Variants in CRYBG2 observed in about 807,000 individuals in gnomAD.
The protein encoded by CRYBG2 is beta/gamma crystallin domain-containing protein 2.
Under a neutral mutation model 153.4 loss-of-function variants are expected in CRYBG2, and 106 were observed. That is an observed-to-expected ratio of 0.69 (90% CI 0.59 to 0.81). The LOEUF is 0.81. CRYBG2 is among the 30% of genes least tolerant of loss of function. CRYBG2 has a pLI of 0.00. For missense variants in CRYBG2, 1,996 were observed against 2,112.0 expected, an observed-to-expected ratio of 0.95 and a Z score of 1.08; for synonymous variants, 851 against 877.8, an observed-to-expected ratio of 0.97 and a Z score of 0.54.
rs1427515465 is a variant in CRYBG2, at chr1:26,324,293, G to A, written c.4596C>T (p.Arg1532=). The part of the protein sequence containing the change: ...YPIKQRRVYF[R]LWNAALGGFL... ...ATCCCCCCAGTGCTGCATTCCAGAG[G>A]CGGAAATAAACCCGGCGCTGGTGGC... Residue 1532 remains arginine, a synonymous_variant, in exon 18 of 20, where the codon CGC becomes CGT. Coordinates refer to ENST00000308182, the MANE Select transcript of CRYBG2 (RefSeq NM_001039775.4). The A allele has an allele frequency of 8.7e-6, 14 of 1,608,280 alleles. No individual in the cohort carries two copies. Among genetic ancestry groups the A allele is most frequent in the Non-Finnish European group, 1.0e-5 (12 of 1,179,198 alleles).
chr1:26,342,538 T>C (rs1439909256), intron 5 of CRYBG2, among the ~76,000 whole-genome samples: 1 of 152,164 alleles, frequency 6.6e-6, no homozygotes, highest in East Asian at 1.9e-4. Context: ...AAGCTGGGAT[T>C]ACAGGCGCAT....
At chr1:26,324,504 T>A (rs11590274) in intron 17 of CRYBG2, among the ~76,000 whole-genome samples, 194 bp from the exon 18 acceptor site, 28 of 126,582 alleles carry the variant, frequency 2.2e-4, no homozygotes, top group African/African-American at 4.9e-4. Flanking sequence ...TCTCTCTCTC[T>A]CACACACACA....
chr1:26,353,289 A>G (rs182775459), intron 1 of CRYBG2, among the ~76,000 whole-genome samples: 260 of 152,242 alleles, frequency 1.7e-3, no homozygotes, highest in African/African-American at 6.1e-3. Context: ...CCACCCCATC[A>G]TCCTTAAGCA....
Position 26,338,040 on chromosome 1 carries a change from G to C in CRYBG2, c.3479C>G (p.Pro1160Arg). Reference sequence around the variant, plus strand: ...GGGCTCCCCTGGCTTCTCCACACTTGGGCAGCCCTGCAGAGGAGACAGAGC... The same window carrying C: ...GGGCTCCCCTGGCTTCTCCACACTTCGGCAGCCCTGCAGAGGAGACAGAGC... ...GSLKPMRLGCPSVEKPGEPRA... is the reference protein window; with the variant it reads ...GSLKPMRLGCRSVEKPGEPRA... Residue 1160 changes from proline to arginine, a missense_variant, in exon 8 of 20, where the codon CCA becomes CGA. Pro to Arg is a moderately radical substitution (Grantham distance 103, BLOSUM62 -2). Transcript: ENST00000308182. 1 of 1,612,894 alleles carries C rather than the reference G, an allele frequency of 6.2e-7. No individual in the cohort carries two copies. Among genetic ancestry groups the C allele is most frequent in the Non-Finnish European group, 8.5e-7 (1 of 1,179,578 alleles).
Position 26,328,315 on chromosome 1 carries a change from T to G in CRYBG2, c.4472A>C (p.His1491Pro). The change falls in exon 17 of 20, where the codon CAC becomes CCC. Residue 1491 changes from histidine (H) to proline (P), a missense_variant. Physicochemically the swap from His to Pro is moderately conservative, Grantham distance 77. Coordinates refer to ENST00000308182, the MANE Select transcript of CRYBG2 (RefSeq NM_001039775.4). ...CCACTGGCGGCCCCGGAAGTCACTGTGTTCACATAGCACCCAACTGGGCCC... is the reference window on the plus strand; with the variant it reads ...CCACTGGCGGCCCCGGAAGTCACTGGGTTCACATAGCACCCAACTGGGCCC... ...IKGGIWVLCE[H>P]SDFRGRQWLV... 6.4e-7 allele frequency: 1 copy of G among 1,571,994 alleles called. No homozygotes were observed. Among genetic ancestry groups the G allele is most frequent in the Non-Finnish European group, 8.6e-7 (1 of 1,157,932 alleles).
intron 5 of CRYBG2, 44 bp from the exon 6 acceptor site, chr1:26,339,473 C>T (rs778405237): frequency 1.2e-5 from 19 of 1,606,256 alleles, no homozygotes; most frequent in African/African-American, 4.0e-5. Context: ...AACAGCCAGG[C>T]GTGGTGGCTC....
intron 5 of CRYBG2, among the ~76,000 whole-genome samples, chr1:26,341,198 G>A (rs756480293): frequency 3.3e-5 from 5 of 151,686 alleles, no homozygotes; most frequent in South Asian, 2.1e-4. Flanking sequence ...AAAATTAGCC[G>A]GGCATAGTGG....
At chr1:26,333,045 A>AAAAAAAAAAAAAAAAC (rs2074016334) in intron 14 of CRYBG2, among the ~76,000 whole-genome samples, 1 of 138,736 alleles carries the variant, frequency 7.2e-6, no homozygotes, top group Non-Finnish European at 1.5e-5. Context: ...AAAAAAAAAA[A>AAAAAAAAAAAAAAAAC]AGATTTCTAA....
chr1:26,329,587 C>T (rs2073975722), intron 15 of CRYBG2, among the ~76,000 whole-genome samples: 1 of 151,188 alleles, frequency 6.6e-6, no homozygotes, highest in African/African-American at 2.4e-5. Flanking sequence ...TAAAGCAATC[C>T]TCCCACCTCA....
chr1:26,347,289 T>TTG (rs1204254229), intron 1 of CRYBG2, among the ~76,000 whole-genome samples: 5 of 131,328 alleles, frequency 3.8e-5, no homozygotes, highest in Non-Finnish European at 8.3e-5. Flanking sequence ...CCTGCGTTTT[T>TTG]TTTTTTTTTT....
chr1:26,345,479 CT>C lies in CRYBG2; in HGVS notation c.1178del (p.Lys393ArgfsTer16), dbSNP rs747248693. On this transcript the variant is annotated frameshift_variant, in exon 2 of 20. Transcript: ENST00000308182. LOFTEE classifies it high-confidence loss of function. ...LTPLVLPPKK[K>X]DGPVDPPAAT... ...CAGCAGGGGGGTCCACGGGCCCGTC[CT>C]TTTTTTTAGGGGGCAGAACAAGGGG... The C allele has an allele frequency of 3.1e-5, 49 of 1,590,376 alleles. No homozygotes were observed. Among genetic ancestry groups the C allele is most frequent in the Admixed American group, 8.6e-5 (5 of 58,072 alleles).
At position 26,345,544 on chromosome 1, in the gene CRYBG2, G is replaced by C. The variant is rs1244234193; in HGVS notation, c.1114C>G (p.Gln372Glu). The stretch of plus-strand genomic sequence containing the variant: ...CCGGGGTGAGTGGGCACCACAGGCT[G>C]CTTTGCAGGGTGAGTTAGGCCAGGA... ...PSPGLTHPAK[Q>E]PVVPTHPGAR... Residue 372 changes from glutamine (Q) to glutamate (E), a missense_variant, in exon 2 of 20, where the codon CAG becomes GAG. Coordinates refer to ENST00000308182, the MANE Select transcript of CRYBG2 (RefSeq NM_001039775.4). 1.2e-6 allele frequency: 2 copies of C among 1,604,396 alleles called. No homozygotes were observed. The highest frequency in any genetic ancestry group is 2.2e-5 in the South Asian group (2 of 90,632).
chr1:26,324,458 G>C (rs1449431932), intron 17 of CRYBG2, 148 bp from the exon 18 acceptor site: 3 of 778,078 alleles, frequency 3.9e-6, no homozygotes, highest in Non-Finnish European at 5.9e-6. Flanking sequence ...CTAAGTCACT[G>C]CTTCTTTACA....
chr1:26,336,425 C>CT lies in CRYBG2; in HGVS notation c.4039-56dup. On this transcript the variant is annotated intron_variant, in intron 12 of 19. Coordinates refer to ENST00000308182, the MANE Select transcript of CRYBG2 (RefSeq NM_001039775.4). This position sits in a 1 kb window ranked among gnomAD's most constrained non-coding sequence, Gnocchi z 4.9. Reference sequence around the variant, plus strand: ...GGAGGGTGCCGGCCCCTAGCCTTGTCTTCTCTAGGTTTCAGTACCGTCCAC... The same window carrying CT: ...GGAGGGTGCCGGCCCCTAGCCTTGTCTTTCTCTAGGTTTCAGTACCGTCCAC... The CT allele has an allele frequency of 6.2e-7, 1 of 1,600,866 alleles. No homozygotes were observed. Among genetic ancestry groups the CT allele is most frequent in the Non-Finnish European group, 8.5e-7 (1 of 1,173,754 alleles).
chr1:26,340,597 TTTTTTTTGTTGC>T (rs1321270224), intron 5 of CRYBG2, among the ~76,000 whole-genome samples: 1 of 151,810 alleles, frequency 6.6e-6, no homozygotes, highest in Non-Finnish European at 1.5e-5. Flanking sequence ...AGAGGCTTTG[TTTTTTTTGTTGC>T]TTTTTTTGTT....
chr1:26,337,680 G>A lies in CRYBG2; in HGVS notation c.3508-6C>T. ...GGGGCCTCATACACCACAGCCTGGGGGAAAGGGGCTGTCAGGAGTCATCTG... is the reference window on the plus strand; with the variant it reads ...GGGGCCTCATACACCACAGCCTGGGAGAAAGGGGCTGTCAGGAGTCATCTG... On this transcript the variant is annotated splice_polypyrimidine_tract_variant and splice_region_variant and intron_variant, in intron 8 of 19. Transcript: ENST00000308182. The A allele has an allele frequency of 1.9e-6, 3 of 1,609,978 alleles. No individual in the cohort carries two copies. Among genetic ancestry groups the A allele is most frequent in the Non-Finnish European group, 2.5e-6 (3 of 1,179,746 alleles).
chr1:26,350,661 G>A (rs1570219421), intron 1 of CRYBG2, among the ~76,000 whole-genome samples: 1 of 152,010 alleles, frequency 6.6e-6, no homozygotes, highest in Admixed American at 6.6e-5. Flanking sequence ...CTGGTTTGGG[G>A]GTTTACATTT....
chr1:26,336,667 C>T lies in CRYBG2; in HGVS notation c.3977G>A (p.Arg1326His). ...GCCAGCGCCCCAGTCCTCGCAGTTA[C>T]GATACACGCCCTTCTCCAGCACGTA... ...EQYVLEKGVY[R>H]NCEDWGAGNS... is the part of the protein sequence containing the mutation. The change falls in exon 12 of 20, where the codon CGT (arginine) becomes CAT (histidine). Residue 1326 changes from arginine (R) to histidine (H), a missense_variant. Coordinates refer to ENST00000308182, the MANE Select transcript of CRYBG2 (RefSeq NM_001039775.4). The surrounding 1 kb of genome is among the most constrained non-coding windows in gnomAD (Gnocchi z 4.9). 1 of 1,555,902 alleles carries T rather than the reference C, an allele frequency of 6.4e-7. No homozygotes were observed. Among genetic ancestry groups the T allele is most frequent in the Non-Finnish European group, 8.7e-7 (1 of 1,149,438 alleles).
chr1:26,326,116 TC>T (rs2073922221), intron 17 of CRYBG2, among the ~76,000 whole-genome samples: 1 of 152,056 alleles, frequency 6.6e-6, no homozygotes, highest in Non-Finnish European at 1.5e-5. Flanking sequence ...GGTCTCGAAC[TC>T]CTGGGCTCAA....
Sources: allele counts gnomAD v4.1 joint callset (sites outside exome capture counted in the v4.1 genomes callset), GRCh38; gene constraint gnomAD v4.1.1; non-coding constraint Gnocchi (gnomAD v3.1); transcripts MANE v1.5; gene names NCBI Gene and HGNC (gene_info 2026-07-23, HGNC 2026-07-21).